SPATA16: variants seen among roughly 807,000 people sequenced by gnomAD.
SPATA16 encodes spermatogenesis associated 16, also known as spermatogenesis-associated protein 16.
A neutral mutation model predicts 63.3 loss-of-function variants in SPATA16; 36 were observed. The observed-to-expected ratio is 0.57, with a 90% CI of 0.44 to 0.75. The LOEUF is 0.75. Among genes scored for constraint, SPATA16 ranks in the 30% least tolerant of loss-of-function variants. The pLI, the probability that SPATA16 is intolerant of heterozygous loss-of-function variation, is 0.00. For synonymous variants in SPATA16, 203 were observed against 216.7 expected, an observed-to-expected ratio of 0.94 and a Z score of 0.56; for missense variants, 646 against 679.3, an observed-to-expected ratio of 0.95 and a Z score of 0.54.
At chr3:173,050,833 C>CA (rs1225529208) in intron 2 of SPATA16, among the ~76,000 whole-genome samples, 1 of 152,162 alleles carries the variant, frequency 6.6e-6, no homozygotes, top group African/African-American at 2.4e-5. Context: ...GTCAGTGCTA[C>CA]ATTTGGATGC....
chr3:173,132,141 AT>A (rs764938329), intron 1 of SPATA16, among the ~76,000 whole-genome samples: 14 of 152,204 alleles, frequency 9.2e-5, no homozygotes, highest in Admixed American at 4.6e-4. Flanking sequence ...TATAAAAAGA[AT>A]AACAAATTCT....
intron 4 of SPATA16, among the ~76,000 whole-genome samples, chr3:172,993,509 G>A (rs1209441535): frequency 1.3e-5 from 2 of 151,974 alleles, no homozygotes; most frequent in East Asian, 1.9e-4. Flanking sequence ...TGTGAAAGAC[G>A]GAATGATGAT....
intron 5 of SPATA16, among the ~76,000 whole-genome samples, chr3:172,961,300 T>C (rs950737495): frequency 4.6e-5 from 7 of 152,184 alleles, no homozygotes; most frequent in Admixed American, 3.3e-4. Context: ...ACTATAATCA[T>C]AGTAAATTGA....
chr3:172,959,676 A>G (rs931415289), intron 5 of SPATA16, among the ~76,000 whole-genome samples: 12 of 151,996 alleles, frequency 7.9e-5, no homozygotes, highest in Non-Finnish European at 1.3e-4. Flanking sequence ...AGATCTTGAA[A>G]CATCCTTTTG....
intron 10 of SPATA16, among the ~76,000 whole-genome samples, chr3:172,900,456 A>C (rs752978925): frequency 6.6e-6 from 1 of 152,042 alleles, no homozygotes; most frequent in Admixed American, 6.6e-5. Context: ...TCTTTTGCCA[A>C]ATTTGGGAAG....
intron 3 of SPATA16, among the ~76,000 whole-genome samples, chr3:173,040,997 T>G (rs1180749737): frequency 6.6e-6 from 1 of 152,128 alleles, no homozygotes; most frequent in East Asian, 1.9e-4. Flanking sequence ...TCACAAAAAT[T>G]AGCATCCTTT....
chr3:173,038,544 G>T (rs544721073), intron 3 of SPATA16, among the ~76,000 whole-genome samples: 9 of 151,888 alleles, frequency 5.9e-5, no homozygotes, highest in Non-Finnish European at 1.3e-4. Context: ...TTTAGTGTTG[G>T]TCCTTACCTA....
chr3:173,075,417 C>G (rs891842414), intron 2 of SPATA16, among the ~76,000 whole-genome samples: 1 of 152,108 alleles, frequency 6.6e-6, no homozygotes, highest in Non-Finnish European at 1.5e-5. Flanking sequence ...ACCTAGCAAT[C>G]CCACTGCTGG....
At chr3:173,112,146 A>T (rs1325511834) in intron 2 of SPATA16, among the ~76,000 whole-genome samples, 1 of 152,154 alleles carries the variant, frequency 6.6e-6, no homozygotes, top group Non-Finnish European at 1.5e-5. Context: ...CACTTAAAAC[A>T]TTTTTTTATG....
chr3:172,957,895 A>C (rs972809000), intron 5 of SPATA16, among the ~76,000 whole-genome samples: 2 of 152,210 alleles, frequency 1.3e-5, no homozygotes, highest in African/African-American at 4.8e-5. Flanking sequence ...TTCATTTCTT[A>C]GTGACTTCAA....
At chr3:173,109,396 A>G (rs1018185815) in intron 2 of SPATA16, among the ~76,000 whole-genome samples, 12 of 152,328 alleles carry the variant, frequency 7.9e-5, no homozygotes, top group Middle Eastern at 3.4e-3. Context: ...TGTGCAGCAC[A>G]GCCACGACCA....
At chr3:173,015,318 C>T (rs1735157227) in intron 4 of SPATA16, among the ~76,000 whole-genome samples, 1 of 152,180 alleles carries the variant, frequency 6.6e-6, no homozygotes, top group Admixed American at 6.5e-5. Flanking sequence ...CCCACCTTGG[C>T]CTCCCAAAGT....
chr3:173,090,514 C>T (rs139006201), intron 2 of SPATA16, among the ~76,000 whole-genome samples: 24 of 152,268 alleles, frequency 1.6e-4, no homozygotes, highest in African/African-American at 5.8e-4. Context: ...AATACTGCAT[C>T]ACCCTGAGAT....
chr3:173,133,648 G>A (rs1738445112), intron 1 of SPATA16, among the ~76,000 whole-genome samples: 1 of 152,198 alleles, frequency 6.6e-6, no homozygotes, highest in Non-Finnish European at 1.5e-5. Flanking sequence ...TCTGTCTTCA[G>A]TGAATAACAA....
At chr3:172,975,271 C>G (rs1261555869) in intron 5 of SPATA16, among the ~76,000 whole-genome samples, 1 of 152,122 alleles carries the variant, frequency 6.6e-6, no homozygotes, top group African/African-American at 2.4e-5. Context: ...ACGAAACTTC[C>G]AAGGTCTTAC....
intron 2 of SPATA16, among the ~76,000 whole-genome samples, chr3:173,102,295 G>A (rs1033966870): frequency 4.6e-5 from 7 of 152,174 alleles, no homozygotes; most frequent in African/African-American, 1.7e-4. Context: ...GTTCTTATAT[G>A]TTCAAATATT....
intron 10 of SPATA16, among the ~76,000 whole-genome samples, chr3:172,904,896 C>T (rs1413497689): frequency 1.3e-5 from 2 of 152,128 alleles, no homozygotes; most frequent in South Asian, 2.1e-4. Flanking sequence ...AACACAATCA[C>T]GAGGCTCTGC....
chr3:173,130,763 T>G (rs1738360927), intron 1 of SPATA16, among the ~76,000 whole-genome samples: 1 of 152,218 alleles, frequency 6.6e-6, no homozygotes, highest in Non-Finnish European at 1.5e-5. Flanking sequence ...GATAATATAA[T>G]TATGAAGTGC....
Position 173,074,689 on chromosome 3 carries a change from C to G in SPATA16, c.613-25595G>C, listed in dbSNP as rs1002948738. Among the ~76,000 whole-genome samples the G allele has an allele frequency of 2.6e-5, 4 of 151,892 alleles. 1 individual carries two copies. The highest frequency in any genetic ancestry group is 6.6e-5 in the Admixed American group (1 of 15,246). On this transcript the variant is annotated intron_variant, in intron 2 of 10. Coordinates refer to ENST00000351008, the MANE Select transcript of SPATA16 (RefSeq NM_031955.6). ...TGTGAAAACGGACTAATACAGATGGCAACCATAGACACTGGGGACTGATAG... is the reference window on the plus strand; with the variant it reads ...TGTGAAAACGGACTAATACAGATGGGAACCATAGACACTGGGGACTGATAG...
Sources: allele counts gnomAD v4.1 joint callset (sites outside exome capture counted in the v4.1 genomes callset), GRCh38; gene constraint gnomAD v4.1.1; transcripts MANE v1.5; gene names NCBI Gene and HGNC (gene_info 2026-07-23, HGNC 2026-07-21).